Variants in NRP2 observed in about 807,000 individuals in gnomAD.
NRP2 encodes neuropilin-2.
In NRP2, 52 loss-of-function variants were observed where a neutral mutation model predicts 110.4. The observed-to-expected ratio is 0.47, with a 90% CI of 0.38 to 0.59. The LOEUF (loss-of-function observed/expected upper bound fraction) is 0.59. NRP2 is among the 20% of genes least tolerant of loss of function. The probability of loss-of-function intolerance (pLI) is 0.00; values close to 1 mark genes in which losing one functional copy is unlikely to be tolerated. For missense variants in NRP2, 1,049 were observed against 1,203.0 expected, an observed-to-expected ratio of 0.87 and a Z score of 1.89; for synonymous variants, 508 against 468.9, an observed-to-expected ratio of 1.08 and a Z score of -1.08.
chr2:205,740,224 C>CTT (rs564993613), intron 7 of NRP2, among the ~76,000 whole-genome samples: 218 of 152,270 alleles, frequency 1.4e-3, no homozygotes, highest in African/African-American at 4.9e-3. Context: ...CTCTTTCTTC[C>CTT]TTAGCTTCTC....
chr2:205,734,067 G>A (rs533123483), intron 7 of NRP2, among the ~76,000 whole-genome samples: 1 of 152,120 alleles, frequency 6.6e-6, no homozygotes, highest in Non-Finnish European at 1.5e-5. Flanking sequence ...GAAAGTAAAG[G>A]AGGATGAGAG....
At chr2:205,776,999 G>T in intron 15 of NRP2, 1 of 1,044,520 alleles carries the variant, frequency 9.6e-7, no homozygotes, top group Non-Finnish European at 1.2e-6. Flanking sequence ...AGAGCGGCTG[G>T]TTCATTGTGT....
At chr2:205,721,812 C>T (rs1290658005) in intron 3 of NRP2, among the ~76,000 whole-genome samples, 1 of 152,202 alleles carries the variant, frequency 6.6e-6, no homozygotes, top group African/African-American at 2.4e-5. Flanking sequence ...ACATCCCCAA[C>T]GGCCTGCTGT....
At chr2:205,692,544 G>A (rs1363110753) in intron 1 of NRP2, among the ~76,000 whole-genome samples, 1 of 152,172 alleles carries the variant, frequency 6.6e-6, no homozygotes, top group Non-Finnish European at 1.5e-5. Context: ...ATGCATCACT[G>A]TTGTTGACAT....
intron 2 of NRP2, among the ~76,000 whole-genome samples, chr2:205,714,538 A>C (rs2056856641): frequency 6.6e-6 from 1 of 152,206 alleles, no homozygotes; most frequent in Non-Finnish European, 1.5e-5. Context: ...GAACAAATGA[A>C]GCGTCTTTTT....
At chr2:205,777,594 G>T (rs1379392874) in intron 15 of NRP2, 1 of 152,188 alleles carries the variant, frequency 6.6e-6, no homozygotes, top group East Asian at 1.9e-4. Flanking sequence ...ACCCAGGGTG[G>T]TTATTGGGCC....
In NRP2 at chr2:205,685,085, C is replaced by A. The variant is rs528516589; in HGVS notation, c.73+1722C>A. ...AGATGTTCGCACATCTGTCCCCGAGCGCTGCTTGGAGTGTGTGTACGTGTG... is the reference window on the plus strand; with the variant it reads ...AGATGTTCGCACATCTGTCCCCGAGAGCTGCTTGGAGTGTGTGTACGTGTG... On this transcript the variant is annotated intron_variant, in intron 1 of 16. Coordinates refer to ENST00000357785, the MANE Select transcript of NRP2 (RefSeq NM_003872.3). 3.9e-5 allele frequency among the ~76,000 whole-genome samples: 6 copies of A among 152,294 alleles called. No individual in the cohort carries two copies. The South Asian group carries it at 1.2e-3, about 32-fold the overall frequency.
At chr2:205,733,404 G>A (rs1192459957) in intron 7 of NRP2, among the ~76,000 whole-genome samples, 1 of 152,192 alleles carries the variant, frequency 6.6e-6, no homozygotes. Flanking sequence ...TGCTTGGGCT[G>A]TGGAATCATG....
At chr2:205,700,221 G>A (rs2056524029) in intron 2 of NRP2, among the ~76,000 whole-genome samples, 1 of 152,164 alleles carries the variant, frequency 6.6e-6, no homozygotes, top group African/African-American at 2.4e-5. Context: ...CGTTCCAAGG[G>A]AGCTCCTGGG....
At chr2:205,684,207 G>A (rs2056088450) in intron 1 of NRP2, among the ~76,000 whole-genome samples, 1 of 152,084 alleles carries the variant, frequency 6.6e-6, no homozygotes, top group African/African-American at 2.4e-5. Flanking sequence ...TTTGTGGGGA[G>A]CGGCAAGGGG....
At chr2:205,724,748 C>T (rs2057094160) in intron 5 of NRP2, among the ~76,000 whole-genome samples, 1 of 140,626 alleles carries the variant, frequency 7.1e-6, no homozygotes, top group South Asian at 2.2e-4. Flanking sequence ...CCCAGTGCAA[C>T]CTCCACCTCC....
At chr2:205,767,303 C>A in intron 15 of NRP2, 1 of 443,096 alleles carries the variant, frequency 2.3e-6, no homozygotes, top group South Asian at 1.6e-5. Context: ...GCAGTCAGTA[C>A]CTGCAGTCAC....
intron 15 of NRP2, among the ~76,000 whole-genome samples, chr2:205,782,487 C>G (rs1014063917): frequency 8.6e-5 from 13 of 152,044 alleles, no homozygotes; most frequent in Admixed American, 7.2e-4. Context: ...ACAGAAAAAG[C>G]CAAAGTCGAT....
rs151124318 is a variant in NRP2 at position 205,726,054 on chromosome 2, A to T, written c.962A>T (p.Asn321Ile). 2,664 of 1,614,178 alleles carry T rather than the reference A, an allele frequency of 1.7e-3. 31 individuals carry two copies. Among genetic ancestry groups the T allele is most frequent in the East Asian group, 8.2e-4 (37 of 44,876 alleles). ...LHGDDNGWTP[N>I]LDSNKEYLQV... Reference sequence around the variant, plus strand: ...GGTGATGACAATGGCTGGACCCCCAACTTGGATTCCAACAAGGAGTATCTC... The same window carrying T: ...GGTGATGACAATGGCTGGACCCCCATCTTGGATTCCAACAAGGAGTATCTC... Residue 321 changes from asparagine (N) to isoleucine (I), a missense_variant, in exon 6 of 17, where the codon AAC (asparagine) becomes ATC (isoleucine). Coordinates refer to ENST00000357785, the MANE Select transcript of NRP2 (RefSeq NM_003872.3).
chr2:205,722,388 T>C, intron 3 of NRP2, 90 bp from the exon 4 acceptor site: 1 of 1,077,868 alleles, frequency 9.3e-7, no homozygotes, highest in Non-Finnish European at 1.4e-6. Flanking sequence ...AGCAGGGGGA[T>C]TTGGGGCCAA....
At chr2:205,752,696 TTAAA>T in intron 11 of NRP2, 135 bp from the exon 12 acceptor site, 1 of 897,944 alleles carries the variant, frequency 1.1e-6, no homozygotes, top group Non-Finnish European at 1.8e-6. Context: ...CCAAGATGAG[TTAAA>T]TGAATAAGCA....
chr2:205,749,549 C>T, intron 10 of NRP2, 176 bp from the exon 11 acceptor site: 1 of 595,290 alleles, frequency 1.7e-6, no homozygotes, highest in Non-Finnish European at 3.1e-6. Flanking sequence ...GGACCATTCT[C>T]ATTCTACTAT....
In NRP2 at chr2:205,763,886, G is replaced by T. The variant is rs753078349; in HGVS notation, c.2257G>T (p.Glu753Ter). 1 of 1,614,068 alleles carries T rather than the reference G, an allele frequency of 6.2e-7. No individual in the cohort carries two copies. Among genetic ancestry groups the T allele is most frequent in the Admixed American group, 1.7e-5 (1 of 60,020 alleles). Residue 753 changes from glutamate (E) to a stop codon, truncating the protein, a stop_gained, in exon 13 of 17, where the codon GAG becomes TAG. Coordinates refer to ENST00000357785, the MANE Select transcript of NRP2 (RefSeq NM_003872.3). LOFTEE classifies it high-confidence loss of function. This position sits in a 1 kb window ranked among gnomAD's most constrained non-coding sequence, Gnocchi z 4.0. ...LWVIREDQGG[E>*]WKHGRIILPS... ...GGTCATCCGTGAGGACCAGGGCGGC[G>T]AGTGGAAGCACGGGCGGATCATCCT...
At chr2:205,793,500 C>T (rs879618069) in intron 16 of NRP2, among the ~76,000 whole-genome samples, 2 of 152,202 alleles carry the variant, frequency 1.3e-5, no homozygotes, top group Non-Finnish European at 2.9e-5. Context: ...GCACCACTGA[C>T]TGGGTGGCTT....
Sources: allele counts gnomAD v4.1 joint callset (sites outside exome capture counted in the v4.1 genomes callset), GRCh38; gene constraint gnomAD v4.1.1; non-coding constraint Gnocchi (gnomAD v3.1); transcripts MANE v1.5; gene names NCBI Gene and HGNC (gene_info 2026-07-23, HGNC 2026-07-21).